The following PARP14 variants were observed in gnomAD, a reference collection of about 807,000 sequenced individuals.
The protein encoded by PARP14 is poly(ADP-ribose) polymerase family member 14.
PARP14 carries 59 observed loss-of-function variants against 154.2 expected under a neutral mutation model. The observed-to-expected ratio is 0.38, with a 90% CI of 0.31 to 0.48. The LOEUF (loss-of-function observed/expected upper bound fraction) is 0.48. Among genes scored for constraint, PARP14 ranks in the 20% least tolerant of loss-of-function variants. PARP14 has a pLI of 0.98. For missense variants in PARP14, 1,734 were observed against 2,131.6 expected (o/e 0.81, Z 3.67); for synonymous variants, 720 against 780.5 (o/e 0.92, Z 1.29).
At chr3:122,724,460 A>ATTTTTT (rs956215914) in intron 15 of PARP14, among the ~76,000 whole-genome samples, 5 of 102,010 alleles carry the variant, frequency 4.9e-5, no homozygotes, top group Non-Finnish European at 5.9e-5. Flanking sequence ...CACCACGCCT[A>ATTTTTT]TTTTTTTTTT....
chr3:122,699,337 TA>T lies in PARP14; in HGVS notation c.836-52del. On this transcript the variant is annotated intron_variant, in intron 5 of 16. Transcript: ENST00000474629. ...AAATAGGAAAATTTTGTTTTGTTTT[TA>T]TTTGCCATATATCATCCTGGGCTTA... 5 of 1,091,030 alleles carry T rather than the reference TA, an allele frequency of 4.6e-6. No homozygotes were observed. In the South Asian group the frequency reaches 1.0e-4, roughly 22 times the overall value. The allele number at this position is 1,091,030 out of a possible 1,614,324, so 67.6% of individuals were successfully genotyped here.
At chr3:122,706,526 G>C (rs1172622194) in intron 8 of PARP14, among the ~76,000 whole-genome samples, 2 of 151,994 alleles carry the variant, frequency 1.3e-5, no homozygotes, top group African/African-American at 2.4e-5. Context: ...CAAAACTTCT[G>C]GCACATTAAA....
At chr3:122,708,130 T>A in intron 8 of PARP14, 60 bp from the exon 9 acceptor site, 1 of 879,120 alleles carries the variant, frequency 1.1e-6, no homozygotes, top group Non-Finnish European at 1.8e-6. Flanking sequence ...AACACCCTGA[T>A]GATTCCAATT....
chr3:122,708,275 TA>T lies in PARP14; in HGVS notation c.3619+10del. ...AAGGCTAAAGATACACAAGGTTCAG[TA>T]AAGCTTCTAAATTGAGAAGTGATTT... On this transcript the variant is annotated splice_region_variant and intron_variant, in intron 9 of 16. Transcript: ENST00000474629. The T allele has an allele frequency of 6.8e-7, 1 of 1,477,584 alleles. No homozygotes were observed. Among genetic ancestry groups the T allele is most frequent in the Non-Finnish European group, 9.3e-7 (1 of 1,075,114 alleles). 91.5% of individuals were successfully genotyped at this position (1,477,584 alleles called of 1,614,324 possible). A position where few individuals can be genotyped will look rare whatever the true frequency, so the allele number is the denominator to read the frequency against.
chr3:122,719,085 A>T, intron 14 of PARP14, 127 bp downstream of exon 14: 1 of 957,290 alleles, frequency 1.0e-6, no homozygotes, highest in South Asian at 2.1e-5. Flanking sequence ...TAAACTAGAA[A>T]ATGTGGCCTC....
At chr3:122,711,203 A>G (rs1352995287) in intron 9 of PARP14, among the ~76,000 whole-genome samples, 5 of 152,006 alleles carry the variant, frequency 3.3e-5, no homozygotes, top group East Asian at 3.9e-4. Flanking sequence ...CCCCCATTCA[A>G]TATGATGTTG....
Position 122,718,254 on chromosome 3 carries a change from A to T in PARP14, c.4184A>T (p.Gln1395Leu). 6.2e-7 allele frequency: 1 copy of T among 1,613,542 alleles called. No homozygotes were observed. Among genetic ancestry groups the T allele is most frequent in the Non-Finnish European group, 8.5e-7 (1 of 1,179,654 alleles). ...GAAGGGACTCAGCTTTCTTCCCAAC[A>T]GTCTGTGATGTCTAAACTTGCATGT... ...KREGTQLSSQ[Q>L]SVMSKLASFL... The change falls in exon 13 of 17, where the codon CAG (glutamine) becomes CTG (leucine). Residue 1395 changes from glutamine (Q) to leucine (L), a missense_variant. Gln to Leu is a moderately radical substitution (Grantham distance 113). Coordinates refer to ENST00000474629, the MANE Select transcript of PARP14 (RefSeq NM_017554.3).
chr3:122,684,331 G>T (rs548975525), intron 1 of PARP14, among the ~76,000 whole-genome samples: 3 of 152,050 alleles, frequency 2.0e-5, no homozygotes, highest in Non-Finnish European at 4.4e-5. Flanking sequence ...ACTTCTTCCC[G>T]TTCTTCATGG....
intron 12 of PARP14, among the ~76,000 whole-genome samples, chr3:122,717,227 G>A (rs986653922): frequency 3.3e-5 from 5 of 152,168 alleles, no homozygotes; most frequent in Non-Finnish European, 5.9e-5. Flanking sequence ...TTAGCCAGGT[G>A]GGCTCTTAGT....
chr3:122,704,234 G>T (rs545505374), intron 7 of PARP14, among the ~76,000 whole-genome samples: 1 of 152,326 alleles, frequency 6.6e-6, no homozygotes, highest in African/African-American at 2.4e-5. Context: ...TAATATTATT[G>T]CTTGCTTAGT....
rs1188142094 is a variant in PARP14, at chr3:122,727,898, T to A, written c.5028T>A (p.Asn1676Lys). ...TMDAKNGQTM[N>K]EKQLFHGTDA... ...ATGCCAAGAATGGCCAGACAATGAA[T>A]GAGAAGCAACTCTTCCATGGGACAG... Residue 1676 changes from asparagine to lysine, a missense_variant, in exon 16 of 17, where the codon AAT becomes AAA. Around this residue, in one of 2 missense-constraint regions of PARP14, gnomAD observed 88 missense variants for 155.6 expected, o/e 0.57. Coordinates refer to ENST00000474629, the MANE Select transcript of PARP14 (RefSeq NM_017554.3). 1 of 1,613,580 alleles carries A rather than the reference T, an allele frequency of 6.2e-7. No homozygotes were observed. The highest frequency in any genetic ancestry group is 1.3e-5 in the African/African-American group (1 of 74,918).
intron 8 of PARP14, among the ~76,000 whole-genome samples, chr3:122,707,061 C>CA (rs937332784): frequency 7.2e-5 from 11 of 152,202 alleles, no homozygotes; most frequent in Non-Finnish European, 1.3e-4. Flanking sequence ...TTGAACAATG[C>CA]AAAATGCATA....
rs188576585 is a variant in PARP14 at position 122,685,574 on chromosome 3, A to G, written c.321+256A>G. ...AACCAGGCTGGAGTACAGTGGTATAATCTTGGCTCACTGCAACCTCTGCCT... is the reference window on the plus strand; with the variant it reads ...AACCAGGCTGGAGTACAGTGGTATAGTCTTGGCTCACTGCAACCTCTGCCT... On this transcript the variant is annotated intron_variant, in intron 2 of 16. Transcript: ENST00000474629. 3.7e-4 allele frequency among the ~76,000 whole-genome samples: 56 copies of G among 151,368 alleles called. 2 individuals carry two copies. The East Asian group carries it at 0.01, about 28-fold the overall frequency.
At position 122,730,048 on chromosome 3, in the gene PARP14, T is replaced by C. The variant is rs532492798; in HGVS notation, c.*1451T>C. 1 of 152,346 alleles carries C rather than the reference T, an allele frequency of 6.6e-6. No individual in the cohort carries two copies. The highest frequency in any genetic ancestry group is 1.5e-5 in the Non-Finnish European group (1 of 68,034). The allele number at this position is 152,346 out of a possible 1,614,324, so 9.4% of individuals were successfully genotyped here. A position where few individuals can be genotyped will look rare whatever the true frequency, so the allele number is the denominator to read the frequency against. On this transcript the variant is annotated 3_prime_UTR_variant, in exon 17 of 17. Transcript: ENST00000474629. ...CTACATTGTGTGCCAGGTAGTAAAATAGGTGCTTTCATACACATTGTCTCA... is the reference window on the plus strand; with the variant it reads ...CTACATTGTGTGCCAGGTAGTAAAACAGGTGCTTTCATACACATTGTCTCA...
chr3:122,697,046 A>G (rs790099), intron 5 of PARP14, among the ~76,000 whole-genome samples: 135,969 of 152,222 alleles, frequency 0.89, 61,167 homozygotes, highest in East Asian at 1. Flanking sequence ...CAGCCTCCCC[A>G]GGCTCAGGTG....
Position 122,720,378 on chromosome 3 carries a change from G to A in PARP14, c.4931G>A (p.Arg1644Lys). The change falls in exon 15 of 17, where the codon AGA (arginine) becomes AAA (lysine). Residue 1644 changes from arginine (R) to lysine (K), a missense_variant. By Grantham distance (26) the Arg-to-Lys change is conservative. Around this residue, in one of 2 missense-constraint regions of PARP14, gnomAD observed 1,646 missense variants for 1,976.0 expected, o/e 0.83. Transcript: ENST00000474629. ...TTTAATCAGACCTGCTCACACTTCA[G>A]AATAGAGAAGGTAAGCCTTCTGCTA... ...SKFNQTCSHF[R>K]IEKIERIQNP... The A allele has an allele frequency of 6.2e-7, 1 of 1,613,010 alleles. No individual in the cohort carries two copies. Among genetic ancestry groups the A allele is most frequent in the Non-Finnish European group, 8.5e-7 (1 of 1,179,490 alleles).
chr3:122,699,236 A>G (rs548909814), intron 5 of PARP14, among the ~76,000 whole-genome samples, 154 bp from the exon 6 acceptor site: 1 of 152,290 alleles, frequency 6.6e-6, no homozygotes, highest in Non-Finnish European at 1.5e-5. Context: ...TTTCTTTGCC[A>G]CATATCATCT....
intron 12 of PARP14, 141 bp from the exon 13 acceptor site, chr3:122,717,930 G>A: frequency 1.5e-6 from 1 of 681,414 alleles, no homozygotes; most frequent in Non-Finnish European, 2.5e-6. Flanking sequence ...GTTTGCTGAT[G>A]CTTTGTTAGA....
chr3:122,707,834 C>T (rs984066751), intron 8 of PARP14, among the ~76,000 whole-genome samples: 2 of 152,128 alleles, frequency 1.3e-5, no homozygotes, highest in Non-Finnish European at 2.9e-5. Flanking sequence ...TTTGAAAATA[C>T]GATTTTTAAT....
Sources: allele counts gnomAD v4.1 joint callset (sites outside exome capture counted in the v4.1 genomes callset), GRCh38; gene constraint gnomAD v4.1.1; regional missense constraint gnomAD v4.1.1; transcripts MANE v1.5; gene names NCBI Gene and HGNC (gene_info 2026-07-23, HGNC 2026-07-21).